GRAMD2A: variants seen among roughly 807,000 people sequenced by gnomAD.
GRAMD2A encodes GRAM domain containing 2A.
A neutral mutation model predicts 51.1 loss-of-function variants in GRAMD2A; 37 were observed. The ratio of observed to expected loss-of-function variants is 0.72; its 90% CI spans 0.56 to 0.95. The LOEUF is 0.95. Among genes scored for constraint, GRAMD2A ranks in the 40% least tolerant of loss-of-function variants. The pLI is 0.00. For synonymous variants in GRAMD2A, 136 were observed against 157.1 expected, an observed-to-expected ratio of 0.87 and a Z score of 1.01; for missense variants, 414 against 426.9, an observed-to-expected ratio of 0.97 and a Z score of 0.27.
intron 1 of GRAMD2A, among the ~76,000 whole-genome samples, chr15:72,179,161 G>A (rs1206125082): frequency 6.6e-6 from 1 of 152,194 alleles, no homozygotes; most frequent in Non-Finnish European, 1.5e-5. Flanking sequence ...TCCCATCACT[G>A]CCTGTAGCAG....
At chr15:72,177,644 C>A (rs2081664051) in intron 1 of GRAMD2A, among the ~76,000 whole-genome samples, 2 of 152,212 alleles carry the variant, frequency 1.3e-5, no homozygotes, top group African/African-American at 4.8e-5. Flanking sequence ...AATTGTAGTA[C>A]CAGTCTTGTG....
intron 1 of GRAMD2A, among the ~76,000 whole-genome samples, chr15:72,193,432 G>A (rs2081782463): frequency 6.6e-6 from 1 of 151,760 alleles, no homozygotes; most frequent in Non-Finnish European, 1.5e-5. Context: ...TGGCCAGGCT[G>A]GCCTCAAACT....
chr15:72,163,997 G>A (rs1461530459), intron 8 of GRAMD2A: 1 of 449,546 alleles, frequency 2.2e-6, no homozygotes. Context: ...AACACTGCTA[G>A]TGTAGAACCA....
At position 72,163,351 on chromosome 15, in the gene GRAMD2A, C is replaced by G; in HGVS notation, c.871G>C (p.Glu291Gln). The part of the protein sequence containing the change: ...CSPTAKNAVY[E>Q]EDELEEEPRS... ...GGCTCCTCCTCCAGCTCATCCTCCT[C>G]ATAGACAGCATTCTTTGCAGTGGGA... Residue 291 changes from glutamate to glutamine, a missense_variant, in exon 10 of 12, where the codon GAG (glutamate) becomes CAG (glutamine). Coordinates refer to ENST00000309731, the MANE Select transcript of GRAMD2A (RefSeq NM_001012642.3). The G allele has an allele frequency of 1.9e-6, 3 of 1,614,188 alleles. No homozygotes were observed. Among genetic ancestry groups the G allele is most frequent in the Middle Eastern group, 1.6e-4 (1 of 6,062 alleles).
intron 1 of GRAMD2A, among the ~76,000 whole-genome samples, chr15:72,189,425 T>C (rs1319589146): frequency 1.3e-5 from 2 of 152,238 alleles, no homozygotes; most frequent in African/African-American, 2.4e-5. Flanking sequence ...GTCAATTTTC[T>C]GGTTGTGATA....
At chr15:72,163,070 G>T (rs988707374) in intron 10 of GRAMD2A, among the ~76,000 whole-genome samples, 196 bp downstream of exon 10, 7 of 152,134 alleles carry the variant, frequency 4.6e-5, no homozygotes, top group Non-Finnish European at 1.0e-4. Context: ...AGGGTTTCAA[G>T]AATAAAAACT....
At chr15:72,182,649 C>A (rs567805864) in intron 1 of GRAMD2A, among the ~76,000 whole-genome samples, 2 of 151,924 alleles carry the variant, frequency 1.3e-5, no homozygotes, top group South Asian at 4.2e-4. Context: ...TATAGAGAAC[C>A]CTTATAATCT....
At position 72,170,354 on chromosome 15, in the gene GRAMD2A, T is replaced by C; in HGVS notation, c.42-415A>G. 4.4e-6 allele frequency: 2 copies of C among 458,192 alleles called. No homozygotes were observed. Among genetic ancestry groups the C allele is most frequent in the Non-Finnish European group, 8.8e-6 (2 of 228,316 alleles). 28.4% of individuals were successfully genotyped at this position (458,192 alleles called of 1,614,324 possible). On this transcript the variant is annotated intron_variant, in intron 1 of 11. Coordinates refer to ENST00000309731, the MANE Select transcript of GRAMD2A (RefSeq NM_001012642.3). The surrounding 1 kb of genome is among the most constrained non-coding windows in gnomAD (Gnocchi z 4.5). Reference sequence around the variant, plus strand: ...CCAAAGTACCCGCGCAGCATGACTGTAAACCATCAGGTTCCGGGAAAGTAG... The same window carrying C: ...CCAAAGTACCCGCGCAGCATGACTGCAAACCATCAGGTTCCGGGAAAGTAG...
chr15:72,195,150 C>T (rs1473307321), intron 1 of GRAMD2A, among the ~76,000 whole-genome samples: 2 of 152,198 alleles, frequency 1.3e-5, no homozygotes, highest in African/African-American at 4.8e-5. Context: ...AATACTGTAG[C>T]ATGAGTGTAG....
intron 1 of GRAMD2A, among the ~76,000 whole-genome samples, chr15:72,173,146 C>T (rs1237691896): frequency 6.6e-6 from 1 of 152,160 alleles, no homozygotes; most frequent in Non-Finnish European, 1.5e-5. Flanking sequence ...ATTCTCAGGA[C>T]TGCAGGAGCT....
chr15:72,178,371 C>T (rs1459531687), intron 1 of GRAMD2A, among the ~76,000 whole-genome samples: 2 of 152,104 alleles, frequency 1.3e-5, no homozygotes, highest in African/African-American at 4.8e-5. Context: ...GTGTCCTTCC[C>T]GAGAGACTCC....
chr15:72,197,575 C>T (rs2140565514), intron 1 of GRAMD2A, among the ~76,000 whole-genome samples, 156 bp downstream of exon 1: 1 of 152,120 alleles, frequency 6.6e-6, no homozygotes, highest in South Asian at 2.1e-4. Flanking sequence ...AGCTCTGGCC[C>T]GGAGCCCGCA....
intron 1 of GRAMD2A, among the ~76,000 whole-genome samples, chr15:72,196,252 G>A (rs1471171876): frequency 6.6e-6 from 1 of 152,124 alleles, no homozygotes; most frequent in Non-Finnish European, 1.5e-5. Flanking sequence ...CACACCTGTA[G>A]TCCCTGTAAT....
chr15:72,168,678 G>A, intron 3 of GRAMD2A, 112 bp from the exon 4 acceptor site: 1 of 889,372 alleles, frequency 1.1e-6, no homozygotes, highest in South Asian at 1.4e-5. Context: ...TGGGGACTTA[G>A]CATGAGGCAG....
At chr15:72,165,672 T>C (rs2081535012) in intron 7 of GRAMD2A, among the ~76,000 whole-genome samples, 1 of 152,166 alleles carries the variant, frequency 6.6e-6, no homozygotes, top group South Asian at 2.1e-4. Context: ...TAGGGCATGT[T>C]GGGAAGCAGC....
chr15:72,197,076 G>C (rs2081810443), intron 1 of GRAMD2A, among the ~76,000 whole-genome samples: 1 of 152,206 alleles, frequency 6.6e-6, no homozygotes, highest in Non-Finnish European at 1.5e-5. Flanking sequence ...TACGTGCAGC[G>C]CCAGCTCCTG....
At chr15:72,189,705 G>A (rs1464452452) in intron 1 of GRAMD2A, among the ~76,000 whole-genome samples, 1 of 152,184 alleles carries the variant, frequency 6.6e-6, no homozygotes, top group Non-Finnish European at 1.5e-5. Flanking sequence ...AGCACCTACT[G>A]TGTACTAGGC....
At chr15:72,162,056 T>C (rs767875042) in intron 11 of GRAMD2A, 44 bp from the exon 12 acceptor site, 1 of 1,613,468 alleles carries the variant, frequency 6.2e-7, no homozygotes, top group Non-Finnish European at 8.5e-7. Flanking sequence ...GGGCCCAGAA[T>C]GCAGACGGAC....
At position 72,168,622 on chromosome 15, in the gene GRAMD2A, G is replaced by A; in HGVS notation, c.193-56C>T. On this transcript the variant is annotated intron_variant, in intron 3 of 11. Coordinates refer to ENST00000309731, the MANE Select transcript of GRAMD2A (RefSeq NM_001012642.3). ...GCTGGGAGATGAGACCGCCAAAGGG[G>A]CCCTGCTCCAGCCAACAGGAAATGC... The A allele has an allele frequency of 2.7e-6, 4 of 1,456,764 alleles. No homozygotes were observed. In the South Asian group the frequency reaches 3.4e-5, roughly 12 times the overall value. 90.2% of individuals were successfully genotyped at this position (1,456,764 alleles called of 1,614,324 possible).
Sources: gnomAD v4.1 joint callset for allele counts (sites outside exome capture counted in the v4.1 genomes callset) on GRCh38, gnomAD v4.1.1 for gene constraint, Gnocchi (gnomAD v3.1) non-coding constraint, MANE v1.5 for transcripts, NCBI Gene and HGNC (gene_info 2026-07-23, HGNC 2026-07-21) for gene names.